OPRM1: variants seen among roughly 807,000 people sequenced by gnomAD.
OPRM1 encodes the protein opioid receptor mu 1, also known as mu-type opioid receptor.
OPRM1 carries 27 observed loss-of-function variants against 31.8 expected under a neutral mutation model. That is an observed-to-expected ratio of 0.85 (90% CI 0.63 to 1.17). The LOEUF (loss-of-function observed/expected upper bound fraction) is 1.17, where lower values mean the gene tolerates loss of function less well. Among genes scored for constraint, OPRM1 ranks in the 50% most tolerant of loss-of-function variants. The pLI, the probability that OPRM1 is intolerant of heterozygous loss-of-function variation, is 0.00. For missense variants in OPRM1, 536 were observed against 511.1 expected (o/e 1.05, Z -0.47); for synonymous variants, 196 against 189.9 (o/e 1.03, Z -0.26).
rs1799633103 is a variant in OPRM1, at chr6:154,168,720, C to T, written c.1164+77248C>T. 2.0e-5 allele frequency among the ~76,000 whole-genome samples: 3 copies of T among 152,076 alleles called. No homozygotes were observed. Among genetic ancestry groups the T allele is most frequent in the Admixed American group, 2.0e-4 (3 of 15,270 alleles). ...TCCCAGGTTCAAGTGATTCTCCTGT[C>T]TCAGCCTCCCAAGTAGCTGGGATTA... On this transcript the variant is annotated intron_variant, in intron 3 of 3. Coordinates refer to the OPRM1 transcript ENST00000337049. This position sits in a 1 kb window ranked among gnomAD's most constrained non-coding sequence, Gnocchi z 4.1.
intron 3 of OPRM1, among the ~76,000 whole-genome samples, chr6:154,244,510 T>C (rs1583893044): frequency 6.6e-6 from 1 of 152,204 alleles, no homozygotes; most frequent in East Asian, 1.9e-4. Flanking sequence ...GAATATTGCT[T>C]TCTGTGTTGC....
intron 1 of OPRM1, among the ~76,000 whole-genome samples, chr6:154,016,436 T>C (rs1478310901): frequency 2.0e-5 from 3 of 152,104 alleles, no homozygotes; most frequent in Admixed American, 6.6e-5. Flanking sequence ...GAATATACTG[T>C]TAATACATAT....
intron 1 of OPRM1, among the ~76,000 whole-genome samples, chr6:154,072,096 T>C (rs1177786968): frequency 6.6e-6 from 1 of 152,090 alleles, no homozygotes; most frequent in Non-Finnish European, 1.5e-5. Flanking sequence ...TCTTTGGCAA[T>C]AGGAGAGGGA....
chr6:154,078,758 G>T (rs1331284167), intron 1 of OPRM1, among the ~76,000 whole-genome samples: 2 of 151,982 alleles, frequency 1.3e-5, no homozygotes, highest in Non-Finnish European at 2.9e-5. Context: ...GCATGCCTGT[G>T]GTCCCAGCTA....
chr6:154,036,893 G>A (rs1474424332), upstream of OPRM1, among the ~76,000 whole-genome samples: 1 of 151,932 alleles, frequency 6.6e-6, no homozygotes, highest in Admixed American at 6.5e-5. Context: ...CACAGAGAGT[G>A]AGGGAGGGAG....
At chr6:154,110,594 A>G (rs1001766260) in intron 3 of OPRM1, 14 of 549,608 alleles carry the variant, frequency 2.5e-5, no homozygotes, top group African/African-American at 1.9e-5. Context: ...CTGCTCAAGA[A>G]TTAGGACTCA....
downstream of OPRM1, among the ~76,000 whole-genome samples, chr6:154,133,533 T>C (rs1360303771): frequency 6.6e-6 from 1 of 152,244 alleles, no homozygotes; most frequent in East Asian, 1.9e-4. Flanking sequence ...GTCTGGAGTA[T>C]TTATCTAGAA....
rs990408344 is a variant in OPRM1, at chr6:154,132,038, G to A, written c.*13317G>A. ...TATCTTCATTTAAAGTAGAGACAAA[G>A]CTACTATTTCACATTTCCAGGTAGG... On this transcript the variant is annotated 3_prime_UTR_variant, in exon 4 of 4. Coordinates refer to ENST00000330432, the MANE Select transcript of OPRM1 (RefSeq NM_000914.5). 3.3e-5 allele frequency among the ~76,000 whole-genome samples: 5 copies of A among 150,436 alleles called. No individual in the cohort carries two copies. In the Admixed American group the frequency reaches 3.3e-4, roughly 10 times the overall value.
intron 3 of OPRM1, among the ~76,000 whole-genome samples, chr6:154,239,820 C>A (rs1773122460): frequency 6.6e-6 from 1 of 152,240 alleles, no homozygotes; most frequent in African/African-American, 2.4e-5. Flanking sequence ...TCTCTTGCCT[C>A]AGTCTCCCAA....
chr6:154,122,376 TG>T lies in OPRM1; in HGVS notation c.*3656del, dbSNP rs1249731688. ...GCTTGGTTTCAGAAGAGTGAGAACA[TG>T]AAAGTTCATAAATGCCTGGGCCACT... On this transcript the variant is annotated 3_prime_UTR_variant, in exon 4 of 4. Transcript: ENST00000330432. Among the ~76,000 whole-genome samples the T allele has an allele frequency of 1.3e-5, 2 of 152,246 alleles. No individual in the cohort carries two copies. The highest frequency in any genetic ancestry group is 3.9e-4 in the East Asian group (2 of 5,192).
chr6:154,179,636 GA>G (rs1346533903), intron 3 of OPRM1, among the ~76,000 whole-genome samples: 2 of 152,196 alleles, frequency 1.3e-5, no homozygotes, highest in Admixed American at 6.5e-5. Context: ...TTCTGCCACA[GA>G]AGGCACTTTA....
At chr6:154,195,147 C>CTTTTT (rs10719288) in intron 3 of OPRM1, among the ~76,000 whole-genome samples, 7 of 122,892 alleles carry the variant, frequency 5.7e-5, no homozygotes, top group South Asian at 2.5e-4. Context: ...TCTTTTCTTT[C>CTTTTT]TTTTTTTTTT....
At chr6:154,019,889 G>A (rs951689046) in intron 1 of OPRM1, among the ~76,000 whole-genome samples, 5 of 151,306 alleles carry the variant, frequency 3.3e-5, no homozygotes, top group African/African-American at 7.3e-5. Context: ...ACATGCCACC[G>A]TGCTTGGCTA....
chr6:154,099,470 A>AAAAG (rs997468541), intron 3 of OPRM1, among the ~76,000 whole-genome samples: 11 of 134,826 alleles, frequency 8.2e-5, no homozygotes, highest in Admixed American at 4.5e-4. Flanking sequence ...GAAAGAAAGA[A>AAAAG]AAAGAAAGAA....
At position 154,128,003 on chromosome 6, in the gene OPRM1, T is replaced by C. The variant is rs1020960046; in HGVS notation, c.*9282T>C. 3.3e-5 allele frequency among the ~76,000 whole-genome samples: 5 copies of C among 152,156 alleles called. No homozygotes were observed. The highest frequency in any genetic ancestry group is 2.1e-4 in the South Asian group (1 of 4,820). On this transcript the variant is annotated 3_prime_UTR_variant, in exon 4 of 4. Coordinates refer to ENST00000330432, the MANE Select transcript of OPRM1 (RefSeq NM_000914.5). ...TTCTCAAGGGACCAGAGAAAACCAA[T>C]AGGCCTACTCCCCAGCTGAGTACTT...
At chr6:154,187,398 A>G (rs748984964) in intron 3 of OPRM1, among the ~76,000 whole-genome samples, 2 of 152,050 alleles carry the variant, frequency 1.3e-5, no homozygotes, top group South Asian at 2.1e-4. Flanking sequence ...AGGGCTGTTT[A>G]TTTTGGCTTT....
At chr6:154,153,663 C>T (rs554712056) in intron 3 of OPRM1, among the ~76,000 whole-genome samples, 3 of 145,318 alleles carry the variant, frequency 2.1e-5, no homozygotes, top group East Asian at 4.1e-4. Context: ...CCAGCCTGCG[C>T]GACAGAGTGA....
chr6:154,099,504 G>GAA (rs1794112592), intron 3 of OPRM1, among the ~76,000 whole-genome samples: 1 of 150,168 alleles, frequency 6.7e-6, no homozygotes, highest in Admixed American at 6.7e-5. Context: ...GAAAAAGAAA[G>GAA]AGGAAGGAAA....
At position 154,155,656 on chromosome 6, in the gene OPRM1, G is replaced by C. The variant is rs187762090; in HGVS notation, c.1164+64184G>C. 3.3e-5 allele frequency: 5 copies of C among 151,984 alleles called. No homozygotes were observed. The East Asian group carries it at 9.7e-4, about 29-fold the overall frequency. 9.4% of individuals were successfully genotyped at this position (151,984 alleles called of 1,614,324 possible). On this transcript the variant is annotated intron_variant, in intron 3 of 3. Coordinates refer to the OPRM1 transcript ENST00000337049. ...TACTAAAAATATAAAAATTAGCCGG[G>C]CGTAGTCCCAGCTACTCGGGAGGCT...
Sources: allele counts gnomAD v4.1 joint callset (sites outside exome capture counted in the v4.1 genomes callset), GRCh38; gene constraint gnomAD v4.1.1; non-coding constraint Gnocchi (gnomAD v3.1); transcripts MANE v1.5; gene names NCBI Gene and HGNC (gene_info 2026-07-23, HGNC 2026-07-21).